SLC44A3: variants seen among roughly 807,000 people sequenced by gnomAD.
The protein encoded by SLC44A3 is solute carrier family 44 member 3, also known as choline transporter-like protein 3.
In SLC44A3, 74 loss-of-function variants were observed where a neutral mutation model predicts 75.4. The observed-to-expected ratio is 0.98, with a 90% confidence interval of 0.81 to 1.19. The LOEUF (loss-of-function observed/expected upper bound fraction) is 1.19. Ranked by LOEUF, SLC44A3 falls within the 50% of genes most tolerant of loss-of-function variation. SLC44A3 has a pLI of 0.00. For missense variants in SLC44A3, 700 were observed against 778.6 expected, an observed-to-expected ratio of 0.90 and a Z score of 1.20; for synonymous variants, 310 against 296.9, an observed-to-expected ratio of 1.04 and a Z score of -0.45.
intron 12 of SLC44A3, among the ~76,000 whole-genome samples, chr1:94,881,809 G>A (rs1201382002): frequency 3.6e-5 from 5 of 138,372 alleles, no homozygotes; most frequent in African/African-American, 1.1e-4. Context: ...TCAAGAGATC[G>A]AGACCATCCT....
chr1:94,851,475 T>A (rs1038846725), intron 9 of SLC44A3, among the ~76,000 whole-genome samples: 10 of 152,306 alleles, frequency 6.6e-5, no homozygotes, highest in African/African-American at 2.4e-4. Flanking sequence ...AGATGTATTG[T>A]CATCCCACAA....
At chr1:94,854,493 G>A (rs1665606255) in intron 9 of SLC44A3, among the ~76,000 whole-genome samples, 1 of 152,216 alleles carries the variant, frequency 6.6e-6, no homozygotes, top group Admixed American at 6.5e-5. Context: ...CATGATAGTA[G>A]CTGTAGTGCC....
intron 2 of SLC44A3, among the ~76,000 whole-genome samples, chr1:94,821,923 A>G (rs897183923): frequency 6.6e-6 from 1 of 152,216 alleles, no homozygotes; most frequent in African/African-American, 2.4e-5. Flanking sequence ...TCACATAGAC[A>G]GGCTTGGTTA....
chr1:94,891,145 A>G lies in SLC44A3; in HGVS notation c.1498A>G (p.Thr500Ala), dbSNP rs1670163595. The G allele has an allele frequency of 3.1e-6, 5 of 1,608,138 alleles. No individual in the cohort carries two copies. Among genetic ancestry groups the G allele is most frequent in the Non-Finnish European group, 4.2e-6 (5 of 1,178,318 alleles). The change falls in exon 13 of 15, where the codon ACT (threonine) becomes GCT (alanine). Residue 500 changes from threonine to alanine, a missense_variant. By Grantham distance (58) the Thr-to-Ala change is moderately conservative (BLOSUM62 0). Transcript: ENST00000271227. Reference protein sequence around the residue: ...LHLNQNAYTTTAINGTDFCTS... With the variant: ...LHLNQNAYTTAAINGTDFCTS... ...TCTGTTTCAGAATGCATATACTACA[A>G]CTGCTATTAATGGGACAGATTTCTG...
chr1:94,831,614 G>T (rs1662140501), intron 5 of SLC44A3, among the ~76,000 whole-genome samples: 1 of 152,184 alleles, frequency 6.6e-6, no homozygotes, highest in African/African-American at 2.4e-5. Flanking sequence ...TCACTTTGGT[G>T]TTCAACATGG....
At chr1:94,894,417 C>T (rs1670554450) in intron 14 of SLC44A3, among the ~76,000 whole-genome samples, 1 of 152,188 alleles carries the variant, frequency 6.6e-6, no homozygotes, top group African/African-American at 2.4e-5. Context: ...TTTCCATTAA[C>T]TGGACTTATA....
At chr1:94,851,116 C>T (rs1274749748) in intron 9 of SLC44A3, among the ~76,000 whole-genome samples, 1 of 152,070 alleles carries the variant, frequency 6.6e-6, no homozygotes, top group Middle Eastern at 3.2e-3. Context: ...GCCCAACTCT[C>T]ACCCCAACTC....
At chr1:94,820,796 G>A in intron 1 of SLC44A3, 153 bp from the exon 2 acceptor site, 1 of 1,323,574 alleles carries the variant, frequency 7.6e-7, no homozygotes. Context: ...GTGTGAAAGA[G>A]CTTCAGGTGG....
At chr1:94,863,834 CCT>C (rs1666865694) in intron 10 of SLC44A3, among the ~76,000 whole-genome samples, 1 of 152,214 alleles carries the variant, frequency 6.6e-6, no homozygotes, top group African/African-American at 2.4e-5. Context: ...CCTTCCTTTT[CCT>C]CTCTCAAAAC....
At chr1:94,873,570 CT>C (rs1427921911) in intron 12 of SLC44A3, among the ~76,000 whole-genome samples, 1 of 152,220 alleles carries the variant, frequency 6.6e-6, no homozygotes, top group Non-Finnish European at 1.5e-5. Context: ...ATGTTGGTCT[CT>C]GTCTTCTAAG....
intron 9 of SLC44A3, among the ~76,000 whole-genome samples, chr1:94,850,338 C>A (rs1303509194): frequency 6.6e-6 from 1 of 152,084 alleles, no homozygotes. Flanking sequence ...CTGTGGTAAC[C>A]TTGGTAATCT....
chr1:94,869,196 C>T (rs1239521212), intron 12 of SLC44A3, among the ~76,000 whole-genome samples: 2 of 152,246 alleles, frequency 1.3e-5, no homozygotes, highest in Non-Finnish European at 2.9e-5. Flanking sequence ...TCTGAACTTT[C>T]ACCACCTTAA....
chr1:94,837,734 G>A lies in SLC44A3; in HGVS notation c.533G>A (p.Arg178Gln), dbSNP rs140889980. 1.4e-4 allele frequency: 218 copies of A among 1,583,030 alleles called. 2 individuals carry two copies. The East Asian group carries it at 3.2e-3, about 23-fold the overall frequency. The part of the protein sequence containing the change: ...PPSKSFPLFN[R>Q]CVPQTPECYS... The stretch of plus-strand genomic sequence containing the variant: ...AGCAAGTCATTTCCCTTATTTAACC[G>A]ATGTGTCCCTCAAACACCTGAGTGC... The change falls in exon 6 of 15, where the codon CGA becomes CAA. Residue 178 changes from arginine to glutamine, a missense_variant. Physicochemically the swap from Arg to Gln is conservative, Grantham distance 43 (BLOSUM62 1). Transcript: ENST00000271227.
intron 2 of SLC44A3, among the ~76,000 whole-genome samples, chr1:94,821,599 C>T (rs953060783): frequency 6.6e-6 from 1 of 152,130 alleles, no homozygotes; most frequent in Non-Finnish European, 1.5e-5. Flanking sequence ...TGGTAAACTC[C>T]ATCAGGCTAT....
At chr1:94,822,328 A>G (rs1457869017) in intron 2 of SLC44A3, among the ~76,000 whole-genome samples, 3 of 152,208 alleles carry the variant, frequency 2.0e-5, no homozygotes, top group Admixed American at 2.0e-4. Context: ...TTAAAATTAC[A>G]TTTCATTTGC....
At chr1:94,825,359 C>G (rs1275129746) in intron 3 of SLC44A3, among the ~76,000 whole-genome samples, 1 of 152,144 alleles carries the variant, frequency 6.6e-6, no homozygotes, top group Non-Finnish European at 1.5e-5. Flanking sequence ...GAGACAGACT[C>G]TCATTCTGTC....
chr1:94,839,977 A>AGATT lies in SLC44A3; in HGVS notation c.701_704dup (p.Phe235LeufsTer32), dbSNP rs1663364290. ...GTCTTTGGCCATGATGTTTACCTTC[A>AGATT]GATTCATCACCACCCTTCTGGTTCA... is the stretch of plus-strand genomic sequence containing the variant. On this transcript the variant is annotated frameshift_variant, in exon 7 of 15. Transcript: ENST00000271227. LOFTEE classifies it high-confidence loss of function. 1.2e-6 allele frequency: 2 copies of AGATT among 1,613,986 alleles called. No individual in the cohort carries two copies. The highest frequency in any genetic ancestry group is 1.3e-5 in the African/African-American group (1 of 74,904).
chr1:94,885,663 C>T (rs1040936496), intron 12 of SLC44A3, among the ~76,000 whole-genome samples: 4 of 152,130 alleles, frequency 2.6e-5, no homozygotes, highest in Non-Finnish European at 4.4e-5. Context: ...GGAAGATGGA[C>T]GCAACATCTA....
chr1:94,870,630 A>G (rs1667652995), intron 12 of SLC44A3, among the ~76,000 whole-genome samples: 1 of 152,182 alleles, frequency 6.6e-6, no homozygotes, highest in South Asian at 2.1e-4. Context: ...TGCCAGTTGT[A>G]TGCTGAGCAC....
Sources: allele counts gnomAD v4.1 joint callset (sites outside exome capture counted in the v4.1 genomes callset), GRCh38; gene constraint gnomAD v4.1.1; transcripts MANE v1.5; gene names NCBI Gene and HGNC (gene_info 2026-07-23, HGNC 2026-07-21).